The following PSEN2 variants were observed in gnomAD, a reference collection of about 807,000 sequenced individuals.
PSEN2 encodes presenilin 2.
In PSEN2, 32 loss-of-function variants were observed where a neutral mutation model predicts 49.1. The observed-to-expected ratio is 0.65, with a 90% CI of 0.49 to 0.88. The LOEUF (loss-of-function observed/expected upper bound fraction) is 0.88. PSEN2 is among the 40% of genes least tolerant of loss of function. The pLI is 0.00. For missense variants in PSEN2, 522 were observed against 586.9 expected (o/e 0.89, Z 1.14); for synonymous variants, 255 against 244.0 (o/e 1.05, Z -0.42).
rs1662101508 is a variant in PSEN2, at chr1:226,895,658, A to G, written c.*79A>G. Reference sequence around the variant, plus strand: ...TTGTATAGTTTTACACTCTAGTGCCATATATTTTTAAGACTTTTCTTTCCT... The same window carrying G: ...TTGTATAGTTTTACACTCTAGTGCCGTATATTTTTAAGACTTTTCTTTCCT... On this transcript the variant is annotated 3_prime_UTR_variant, in exon 13 of 13. Coordinates refer to ENST00000366783, the MANE Select transcript of PSEN2 (RefSeq NM_000447.3). 4 of 1,463,766 alleles carry G rather than the reference A, an allele frequency of 2.7e-6. No individual in the cohort carries two copies. Among genetic ancestry groups the G allele is most frequent in the Non-Finnish European group, 3.7e-6 (4 of 1,070,644 alleles). 90.7% of individuals were successfully genotyped at this position (1,463,766 alleles called of 1,614,324 possible). A position where few individuals can be genotyped will look rare whatever the true frequency, so the allele number is the denominator to read the frequency against.
intron 12 of PSEN2, among the ~76,000 whole-genome samples, chr1:226,894,580 A>G (rs1661997338): frequency 6.6e-6 from 1 of 152,208 alleles, no homozygotes; most frequent in African/African-American, 2.4e-5. Context: ...CTGGGGCACT[A>G]GGGGTGGCCC....
chr1:226,885,259 G>A (rs931958137), intron 5 of PSEN2, among the ~76,000 whole-genome samples: 4 of 152,054 alleles, frequency 2.6e-5, no homozygotes, highest in African/African-American at 7.2e-5. Flanking sequence ...TCCCTGTGGG[G>A]GTGGGGAAAG....
chr1:226,870,677 A>G (rs927347327), intron 1 of PSEN2, 28 bp downstream of exon 1: 3 of 152,024 alleles, frequency 2.0e-5, no homozygotes, highest in Admixed American at 2.0e-4. Flanking sequence ...GGGGGTGCCC[A>G]GGCCAGGGCC....
chr1:226,890,121 C>G lies in PSEN2; in HGVS notation c.874C>G (p.Leu292Val), dbSNP rs776770770. The G allele has an allele frequency of 1.2e-6, 2 of 1,613,002 alleles. No individual in the cohort carries two copies. The highest frequency in any genetic ancestry group is 3.3e-5 in the Admixed American group (2 of 60,026). ...QERNEPIFPA[L>V]IYSSAMVWTV... ...GAGAAATGAGCCCATATTCCCTGCC[C>G]TGATATACTCATGTGAGTGAGCCCC... is the stretch of plus-strand genomic sequence containing the variant. Residue 292 changes from leucine (L) to valine (V), a missense_variant, in exon 9 of 13, where the codon CTG becomes GTG. Coordinates refer to ENST00000366783, the MANE Select transcript of PSEN2 (RefSeq NM_000447.3).
chr1:226,901,096 A>G (rs1339225812), downstream of PSEN2, among the ~76,000 whole-genome samples: 1 of 152,180 alleles, frequency 6.6e-6, no homozygotes, highest in Non-Finnish European at 1.5e-5. Flanking sequence ...TGCAGTGTGT[A>G]ATTGATAACA....
Position 226,880,608 on chromosome 1 carries a change from T to G in PSEN2, c.-20-1280T>G, listed in dbSNP as rs202112948. 2.2e-4 allele frequency: 361 copies of G among 1,610,734 alleles called. 2 individuals carry two copies. The highest frequency in any genetic ancestry group is 2.9e-4 in the Non-Finnish European group (340 of 1,178,456). ...GCCTCTGGACAGCGATCACTCAGCC[T>G]CTGGACAGCGATAACTCAGCCTCTG... On this transcript the variant is annotated intron_variant, in intron 3 of 12. Coordinates refer to ENST00000366783, the MANE Select transcript of PSEN2 (RefSeq NM_000447.3).
downstream of PSEN2, among the ~76,000 whole-genome samples, chr1:226,900,366 G>T (rs147210069): frequency 6.6e-6 from 1 of 152,136 alleles, no homozygotes; most frequent in African/African-American, 2.4e-5. Flanking sequence ...GCACCCCCCT[G>T]CCCCCTCTGT....
At position 226,891,794 on chromosome 1, in the gene PSEN2, AGCCTCCCTTGACTGGC is replaced by A; in HGVS notation, c.1023_1038del (p.Glu341AspfsTer15). 1 of 1,614,126 alleles carries A rather than the reference AGCCTCCCTTGACTGGC, an allele frequency of 6.2e-7. No individual in the cohort carries two copies. Among genetic ancestry groups the A allele is most frequent in the Non-Finnish European group, 8.5e-7 (1 of 1,180,012 alleles). On this transcript the variant is annotated frameshift_variant, in exon 11 of 13. Coordinates refer to ENST00000366783, the MANE Select transcript of PSEN2 (RefSeq NM_000447.3). LOFTEE classifies it high-confidence loss of function. ...GAGCCTTCATACCCCGAAGTCTTTG[AGCCTCCCTTGACTGGC>A]TACCCAGGGGAGGAGCTGGAGGAAG...
At chr1:226,880,770 G>C in intron 3 of PSEN2, 1 of 1,611,792 alleles carries the variant, frequency 6.2e-7, no homozygotes. Context: ...AACCCCACTT[G>C]GCACTGTTTT....
chr1:226,880,923 C>G (rs1660947984), intron 3 of PSEN2, among the ~76,000 whole-genome samples: 1 of 152,196 alleles, frequency 6.6e-6, no homozygotes, highest in African/African-American at 2.4e-5. Flanking sequence ...TCAGACACCT[C>G]CCAGACAGCT....
At chr1:226,889,143 C>A in intron 8 of PSEN2, 94 bp downstream of exon 8, 1 of 1,161,734 alleles carries the variant, frequency 8.6e-7, no homozygotes, top group Non-Finnish European at 1.2e-6. Context: ...TGCTGAAGGG[C>A]TTGCATCCCT....
At position 226,894,184 on chromosome 1, in the gene PSEN2, G is replaced by A; in HGVS notation, c.1191+59G>A. On this transcript the variant is annotated intron_variant, in intron 12 of 12. Transcript: ENST00000366783. ...GGTGGGGGCCCCCAGGGTCCTCATT[G>A]TGGTGGGGGCAGGTCTCAGGATCCC... The A allele has an allele frequency of 6.5e-6, 8 of 1,236,838 alleles. No individual in the cohort carries two copies. The South Asian group carries it at 7.2e-5, about 11-fold the overall frequency. The allele number at this position is 1,236,838 out of a possible 1,614,324, so 76.6% of individuals were successfully genotyped here. A position where few individuals can be genotyped will look rare whatever the true frequency, so the allele number is the denominator to read the frequency against.
chr1:226,891,228 G>T (rs1250658836), intron 9 of PSEN2, 50 bp from the exon 10 acceptor site: 3 of 1,551,784 alleles, frequency 1.9e-6, no homozygotes, highest in Non-Finnish European at 2.7e-6. Flanking sequence ...GGCCCTGCAG[G>T]CAGCCACTGT....
Position 226,895,456 on chromosome 1 carries a change from G to A in PSEN2, c.1224G>A (p.Val408=). Residue 408 remains valine, a synonymous_variant, in exon 13 of 13, where the codon GTG becomes GTA. Coordinates refer to ENST00000366783, the MANE Select transcript of PSEN2 (RefSeq NM_000447.3). ...GLCLTLLLLA[V]FKKALPALPI... ...GTCTGACCCTCCTGCTGCTTGCTGT[G>A]TTCAAGAAGGCGCTGCCCGCCCTCC... is the stretch of plus-strand genomic sequence containing the variant. The A allele has an allele frequency of 6.2e-7, 1 of 1,614,046 alleles. No homozygotes were observed. Among genetic ancestry groups the A allele is most frequent in the East Asian group, 2.2e-5 (1 of 44,858 alleles).
Position 226,894,094 on chromosome 1 carries a change from C to T in PSEN2, c.1160C>T (p.Thr387Ile), listed in dbSNP as rs867544084. 5 of 1,614,060 alleles carry T rather than the reference C, an allele frequency of 3.1e-6. No individual in the cohort carries two copies. In the African/African-American group the frequency reaches 4.0e-5, roughly 13 times the overall value. Residue 387 changes from threonine to isoleucine, a missense_variant, in exon 12 of 13, where the codon ACC (threonine) becomes ATC (isoleucine). Thr to Ile is a moderately conservative substitution (Grantham distance 89). Transcript: ENST00000366783. The part of the protein sequence containing the change: ...AAATGSGDWN[T>I]TLACFVAILI... ...GCCACGGGCAGCGGGGACTGGAATA[C>T]CACGCTGGCCTGCTTCGTGGCCATC...
chr1:226,894,013 T>C lies in PSEN2; in HGVS notation c.1079T>C (p.Val360Ala). The C allele has an allele frequency of 6.2e-7, 1 of 1,613,924 alleles. No homozygotes were observed. The change falls in exon 12 of 13, where the codon GTG (valine) becomes GCG (alanine). Residue 360 changes from valine (V) to alanine (A), a missense_variant. Val to Ala is a moderately conservative substitution (Grantham distance 64). Transcript: ENST00000366783. ...ACTGTCTCTCCTCACACAGGGGGCG[T>C]GAAGCTTGGCCTCGGGGACTTCATC... is the stretch of plus-strand genomic sequence containing the variant. ...EELEEEEERG[V>A]KLGLGDFIFY...
At chr1:226,883,287 C>T (rs1299301615) in intron 4 of PSEN2, among the ~76,000 whole-genome samples, 2 of 152,014 alleles carry the variant, frequency 1.3e-5, no homozygotes, top group African/African-American at 4.8e-5. Context: ...TGTCCCTGTG[C>T]ACTGACTCCT....
chr1:226,902,336 A>G (rs1189692021), intron 12 of PSEN2, among the ~76,000 whole-genome samples: 1 of 152,168 alleles, frequency 6.6e-6, no homozygotes, highest in East Asian at 1.9e-4. Flanking sequence ...CTAATAGGCT[A>G]TAGACTGGTA....
At chr1:226,890,163 C>T (rs1558150849) in intron 9 of PSEN2, 30 bp downstream of exon 9, 2 of 1,575,020 alleles carry the variant, frequency 1.3e-6, no homozygotes, top group South Asian at 1.1e-5. Flanking sequence ...CTCTGCCTGA[C>T]TCGGGGTCAG....
Sources: allele counts gnomAD v4.1 joint callset (sites outside exome capture counted in the v4.1 genomes callset), GRCh38; gene constraint gnomAD v4.1.1; transcripts MANE v1.5; gene names NCBI Gene and HGNC (gene_info 2026-07-23, HGNC 2026-07-21).